The following SPATA13 variants were observed in gnomAD, a reference collection of about 807,000 sequenced individuals.
SPATA13 encodes spermatogenesis-associated protein 13.
Under a neutral mutation model 104.0 loss-of-function variants are expected in SPATA13, and 50 were observed. That is an observed-to-expected ratio of 0.48 (90% CI 0.38 to 0.61). The LOEUF is 0.61. SPATA13 is among the 20% of genes least tolerant of loss of function. SPATA13 has a pLI of 0.00. For synonymous variants in SPATA13, 606 were observed against 667.5 expected (o/e 0.91, Z 1.42); for missense variants, 1,524 against 1,690.6 (o/e 0.90, Z 1.73).
intron 3 of SPATA13, among the ~76,000 whole-genome samples, chr13:24,026,779 G>A (rs1474564886): frequency 2.6e-5 from 4 of 151,834 alleles, no homozygotes; most frequent in African/African-American, 7.3e-5. Flanking sequence ...GGTTTTCACC[G>A]TGTTAGCCAG....
At chr13:24,039,523 T>C (rs982085067) in intron 3 of SPATA13, among the ~76,000 whole-genome samples, 1 of 152,210 alleles carries the variant, frequency 6.6e-6, no homozygotes, top group South Asian at 2.1e-4. Flanking sequence ...CTTTGACTTA[T>C]TTAGGTTTCT....
At chr13:24,221,088 T>C (rs768677668) in intron 1 of SPATA13, among the ~76,000 whole-genome samples, 4 of 152,200 alleles carry the variant, frequency 2.6e-5, no homozygotes, top group African/African-American at 9.7e-5. Context: ...GGCCCAGGAA[T>C]TGGAGTCAGA....
At chr13:24,003,419 GA>G (rs932196930) in intron 2 of SPATA13, among the ~76,000 whole-genome samples, 1 of 152,186 alleles carries the variant, frequency 6.6e-6, no homozygotes, top group African/African-American at 2.4e-5. Flanking sequence ...GTGCACACAG[GA>G]AAGGGTACTG....
Position 24,224,208 on chromosome 13 carries a change from A to C in SPATA13, c.1279A>C (p.Thr427Pro), listed in dbSNP as rs1161730888. Residue 427 changes from threonine (T) to proline (P), a missense_variant, in exon 2 of 13, where the codon ACT (threonine) becomes CCT (proline). Physicochemically the swap from Thr to Pro is conservative, Grantham distance 38 (BLOSUM62 -1). Coordinates refer to ENST00000382108, the MANE Select transcript of SPATA13 (RefSeq NM_001166271.3). Reference protein sequence around the residue: ...SWAVESDSSCTCSSLPSPIVQ... With the variant: ...SWAVESDSSCPCSSLPSPIVQ... ...GGCGGTGGAAAGCGACAGTTCCTGC[A>C]CTTGCAGCTCTTTGCCAAGCCCGAT... 2.1e-5 allele frequency: 33 copies of C among 1,551,582 alleles called. No individual in the cohort carries two copies. The highest frequency in any genetic ancestry group is 2.6e-5 in the Non-Finnish European group (30 of 1,147,002).
intron 2 of SPATA13, among the ~76,000 whole-genome samples, chr13:24,000,821 C>A (rs935608049): frequency 1.3e-5 from 2 of 151,922 alleles, no homozygotes; most frequent in African/African-American, 4.8e-5. Flanking sequence ...TTCGGGAGAA[C>A]CCTGGGTGAG....
rs966369987 is a variant in SPATA13, at chr13:24,286,350, G to A, written c.2438G>A (p.Arg813His). 27 of 1,612,936 alleles carry A rather than the reference G, an allele frequency of 1.7e-5. No individual in the cohort carries two copies. Among genetic ancestry groups the A allele is most frequent in the East Asian group, 2.2e-5 (1 of 44,888 alleles). Residue 813 changes from arginine (R) to histidine (H), a missense_variant, in exon 6 of 13, where the codon CGC becomes CAC. Physicochemically the swap from Arg to His is conservative, Grantham distance 29. Transcript: ENST00000382108. This position sits in a 1 kb window ranked among gnomAD's most constrained non-coding sequence, Gnocchi z 4.9. The stretch of plus-strand genomic sequence containing the variant: ...TCCAACAAGGACTGGTGGTGGGGCC[G>A]CAGTGAAGATAAGGAAGCCTGGTTC... Reference protein sequence around the residue: ...EASNKDWWWGRSEDKEAWFPA... With the variant: ...EASNKDWWWGHSEDKEAWFPA...
intron 1 of SPATA13, 23 bp from the exon 2 acceptor site, chr13:24,222,796 G>A (rs974418008): frequency 1.5e-5 from 23 of 1,493,346 alleles, no homozygotes; most frequent in African/African-American, 2.8e-5. Context: ...TGGCTAAACC[G>A]CCTGCTTTGT....
chr13:24,272,534 G>T (rs1874687080), intron 4 of SPATA13, among the ~76,000 whole-genome samples: 1 of 152,212 alleles, frequency 6.6e-6, no homozygotes, highest in African/African-American at 2.4e-5. Context: ...GAGGGCAGGG[G>T]GCAGGGGAGG....
intron 4 of SPATA13, among the ~76,000 whole-genome samples, chr13:24,253,362 A>G (rs912142): frequency 0.26 from 40,026 of 152,064 alleles, 6,582 homozygotes; most frequent in African/African-American, 0.47. Context: ...CTTCCCTAGA[A>G]GGAGACACCC....
At chr13:24,246,662 A>G (rs1873155229) in intron 2 of SPATA13, among the ~76,000 whole-genome samples, 1 of 152,180 alleles carries the variant, frequency 6.6e-6, no homozygotes, top group Non-Finnish European at 1.5e-5. Flanking sequence ...GTTCGAGACC[A>G]TTCTGGCCAA....
intron 3 of SPATA13, among the ~76,000 whole-genome samples, chr13:24,155,164 A>G (rs1882222611): frequency 6.6e-6 from 1 of 152,108 alleles, no homozygotes; most frequent in Admixed American, 6.5e-5. Flanking sequence ...TATTATTTCT[A>G]TATTACAGAT....
At chr13:24,178,629 A>C (rs768304896) in intron 1 of SPATA13, among the ~76,000 whole-genome samples, 83 of 152,332 alleles carry the variant, frequency 5.4e-4, no homozygotes, top group Non-Finnish European at 1.1e-3. Context: ...TGAACCAAGT[A>C]GACCCAGTCT....
In SPATA13 at chr13:24,278,922, T is replaced by C. The variant is rs886202969; in HGVS notation, c.2165-5213T>C. The stretch of plus-strand genomic sequence containing the variant: ...CTTCCTTCCTTCCTTCCTTCCTTCC[T>C]TCCCTCTTTCCTTCCTTCCTTCCTT... On this transcript the variant is annotated intron_variant, in intron 4 of 12. Transcript: ENST00000382108. The C allele has an allele frequency of 4.2e-5, 45 of 1,082,892 alleles. No homozygotes were observed. In the East Asian group the frequency reaches 9.1e-4, roughly 22 times the overall value. 67.1% of individuals were successfully genotyped at this position (1,082,892 alleles called of 1,614,324 possible).
chr13:24,293,022 AG>A lies in SPATA13; in HGVS notation c.3081-1715del, dbSNP rs1168714778. Among the ~76,000 whole-genome samples the A allele has an allele frequency of 8.7e-4, 118 of 134,908 alleles. 4 individuals carry two copies. Among genetic ancestry groups the A allele is most frequent in the African/African-American group, 3.1e-3 (116 of 37,198 alleles). The allele number at this position is 134,908 out of a possible 152,430, so 88.5% of individuals were successfully genotyped here. ...AAAAAAAAAAAAAAAAAAAAAAAAA[AG>A]GCGAGGGTGTGGGGAGAGCCTTCTT... On this transcript the variant is annotated intron_variant, in intron 9 of 12. Transcript: ENST00000382108.
chr13:24,290,326 G>A lies in SPATA13; in HGVS notation c.2848-326G>A, dbSNP rs556293802. On this transcript the variant is annotated intron_variant, in intron 8 of 12. Transcript: ENST00000382108. ...AGCGAGTTGAAAAAATTTGTGGGAG[G>A]GGGACGTTAGAGGCCCTGCTCCCCA... is the stretch of plus-strand genomic sequence containing the variant. 2.9e-3 allele frequency among the ~76,000 whole-genome samples: 446 copies of A among 152,292 alleles called. 2 individuals are homozygous for A. The highest frequency in any genetic ancestry group is 5.1e-3 in the Non-Finnish European group (346 of 68,018).
intron 3 of SPATA13, among the ~76,000 whole-genome samples, chr13:24,133,923 G>C (rs1445351800): frequency 2.0e-5 from 3 of 152,216 alleles, no homozygotes; most frequent in Admixed American, 2.0e-4. Context: ...CATCCAGAGT[G>C]GGGGTTTCGT....
intron 3 of SPATA13, among the ~76,000 whole-genome samples, chr13:24,037,256 G>A (rs4769311): frequency 0.31 from 45,734 of 149,446 alleles, 7,358 homozygotes; most frequent in Admixed American, 0.36. Flanking sequence ...TAATGTAAAT[G>A]ACGAGTTAAT....
rs780202890 is a variant in SPATA13, at chr13:24,249,680, C to T, written c.1857C>T (p.Asp619=). The part of the protein sequence containing the change: ...AADPQKEDRV[D]EDPQASMTSA... ...ACCCCCAGAAGGAAGACCGTGTGGACGAGGACCCCCAGGCAAGCATGACTT... is the reference window on the plus strand; with the variant it reads ...ACCCCCAGAAGGAAGACCGTGTGGATGAGGACCCCCAGGCAAGCATGACTT... Residue 619 remains aspartate, a synonymous_variant, in exon 3 of 13, where the codon GAC becomes GAT. Coordinates refer to ENST00000382108, the MANE Select transcript of SPATA13 (RefSeq NM_001166271.3). 5.5e-5 allele frequency: 88 copies of T among 1,614,032 alleles called. No individual in the cohort carries two copies. Among genetic ancestry groups the T allele is most frequent in the Admixed American group, 1.0e-4 (6 of 60,006 alleles).
chr13:24,120,691 A>G (rs1024936221), intron 3 of SPATA13, among the ~76,000 whole-genome samples: 1 of 152,254 alleles, frequency 6.6e-6, no homozygotes, highest in East Asian at 1.9e-4. Flanking sequence ...GTAATGCTCC[A>G]TAAAGGGTTG....
Sources: gnomAD v4.1 joint callset for allele counts (sites outside exome capture counted in the v4.1 genomes callset) on GRCh38, gnomAD v4.1.1 for gene constraint, Gnocchi (gnomAD v3.1) non-coding constraint, MANE v1.5 for transcripts, NCBI Gene and HGNC (gene_info 2026-07-23, HGNC 2026-07-21) for gene names.